The following C3orf49 variants were observed in gnomAD, a reference collection of about 807,000 sequenced individuals.
C3orf49 encodes chromosome 3 open reading frame 49.
A neutral mutation model predicts 13.3 loss-of-function variants in C3orf49; 27 were observed. The ratio of observed to expected loss-of-function variants is 2.02; its 90% CI spans 1.49 to 2.79. The LOEUF (loss-of-function observed/expected upper bound fraction) is 2.79, where lower values mean the gene tolerates loss of function less well. Ranked by LOEUF, C3orf49 falls within the 30% of genes most tolerant of loss-of-function variation. The pLI, the probability that C3orf49 is intolerant of heterozygous loss-of-function variation, is 0.00. For synonymous variants in C3orf49, 87 were observed against 47.6 expected (o/e 1.83, Z -3.40); for missense variants, 242 against 134.2 (o/e 1.80, Z -3.97).
chr3:63,820,861 A>G (rs1701384400), intron 1 of C3orf49, among the ~76,000 whole-genome samples: 2 of 152,066 alleles, frequency 1.3e-5, no homozygotes, highest in Non-Finnish European at 2.9e-5. Context: ...TAGAAGTCAT[A>G]TATGTACATT....
At chr3:63,816,753 C>CATTTT (rs1379166838), upstream of C3orf49, among the ~76,000 whole-genome samples, 2 of 143,384 alleles carry the variant, frequency 1.4e-5, no homozygotes, top group East Asian at 4.1e-4. Context: ...CTTTCTTCCA[C>CATTTT]ATTTTCTTTT....
chr3:63,827,996 T>C (rs1002828135), intron 3 of C3orf49, among the ~76,000 whole-genome samples: 2 of 152,240 alleles, frequency 1.3e-5, no homozygotes, highest in Non-Finnish European at 2.9e-5. Context: ...AATGTTAGTA[T>C]ATTAGCATTC....
At chr3:63,796,833 T>G in the C3orf49 span, among the ~76,000 whole-genome samples, 3,490 of 152,228 alleles carry the variant, frequency 0.023, 69 homozygotes, top group South Asian at 0.081. Context: ...TCCTTCTATA[T>G]CCTTCTTTAT....
chr3:63,786,792 T>G, the C3orf49 span, among the ~76,000 whole-genome samples: 1 of 152,332 alleles, frequency 6.6e-6, no homozygotes, highest in South Asian at 2.1e-4. Context: ...GCTTAGAAAT[T>G]TCAAGTGGCT....
At chr3:63,800,526 T>C in the C3orf49 span, among the ~76,000 whole-genome samples, 1 of 152,138 alleles carries the variant, frequency 6.6e-6, no homozygotes, top group African/African-American at 2.4e-5. Context: ...GTGTCAAGTA[T>C]AGACCAATGA....
chr3:63,795,438 C>G, the C3orf49 span, among the ~76,000 whole-genome samples: 8 of 152,184 alleles, frequency 5.3e-5, no homozygotes, highest in Non-Finnish European at 1.0e-4. Flanking sequence ...CTTTGCTTTG[C>G]TGGTCCTTTT....
chr3:63,837,639 T>C (rs1456930252), intron 5 of C3orf49, among the ~76,000 whole-genome samples: 1 of 151,998 alleles, frequency 6.6e-6, no homozygotes, highest in Non-Finnish European at 1.5e-5. Flanking sequence ...AGTATATTTA[T>C]GTAAATTGCC....
At chr3:63,847,548 C>T (rs1701924065) in intron 6 of C3orf49, among the ~76,000 whole-genome samples, 1 of 152,058 alleles carries the variant, frequency 6.6e-6, no homozygotes, top group South Asian at 2.1e-4. Context: ...ACCAGGCTGG[C>T]CAACAAGGCG....
chr3:63,783,891 A>C, the C3orf49 span, among the ~76,000 whole-genome samples: 1 of 152,102 alleles, frequency 6.6e-6, no homozygotes, highest in East Asian at 1.9e-4. Context: ...GAAGAAAGCA[A>C]TGAGCCTTTC....
At chr3:63,806,776 C>G in the C3orf49 span, among the ~76,000 whole-genome samples, 1 of 152,154 alleles carries the variant, frequency 6.6e-6, no homozygotes, top group Non-Finnish European at 1.5e-5. Flanking sequence ...TTCAGAAAGT[C>G]TTTCCTGGCC....
In C3orf49 at chr3:63,831,619, C is replaced by G. The variant is rs1701532272; in HGVS notation, c.685-61C>G. The G allele has an allele frequency of 1.8e-5, 12 of 679,154 alleles. No individual in the cohort carries two copies. In the South Asian group the frequency reaches 1.8e-4, roughly 10 times the overall value. 42.1% of individuals were successfully genotyped at this position (679,154 alleles called of 1,614,324 possible). A position where few individuals can be genotyped will look rare whatever the true frequency, so the allele number is the denominator to read the frequency against. On this transcript the variant is annotated intron_variant, in intron 4 of 6. Coordinates refer to ENST00000295896, the MANE Select transcript of C3orf49 (RefSeq NM_001355236.2). ...CTTCTCTCAGGAAAAGCAACTATCC[C>G]TTTGATTTTGACAAGGCTTTCCAAC...
chr3:63,817,404 G>A (rs1387727496), upstream of C3orf49, among the ~76,000 whole-genome samples: 1 of 152,094 alleles, frequency 6.6e-6, no homozygotes, highest in East Asian at 1.9e-4. Flanking sequence ...GTTGTTCACT[G>A]CAGTATCCCT....
intron 5 of C3orf49, chr3:63,837,990 C>T (rs1421286517): frequency 3.7e-6 from 6 of 1,606,930 alleles, no homozygotes; most frequent in East Asian, 2.3e-5. Context: ...GCGATTTTTT[C>T]GTATTCGTTT....
At chr3:63,825,387 G>GT (rs1701453904) in intron 2 of C3orf49, among the ~76,000 whole-genome samples, 1 of 152,104 alleles carries the variant, frequency 6.6e-6, no homozygotes, top group Admixed American at 6.6e-5. Flanking sequence ...GGAAAAAGCA[G>GT]TCATTAATAC....
the C3orf49 span, among the ~76,000 whole-genome samples, chr3:63,798,813 G>A: frequency 1.3e-5 from 2 of 152,140 alleles, no homozygotes; most frequent in South Asian, 4.1e-4. Flanking sequence ...AGAGAACATT[G>A]CATAGACCTT....
chr3:63,804,913 A>G, the C3orf49 span: 1 of 152,192 alleles, frequency 6.6e-6, no homozygotes, highest in African/African-American at 2.4e-5. Flanking sequence ...TTGACATATA[A>G]TAGGATTCCA....
At chr3:63,843,732 C>T (rs1039790631) in intron 5 of C3orf49, among the ~76,000 whole-genome samples, 1 of 152,022 alleles carries the variant, frequency 6.6e-6, no homozygotes. Flanking sequence ...AACTCTGTCT[C>T]CACTAAAAAT....
Position 63,832,862 on chromosome 3 carries a change from A to G in C3orf49, c.849+1018A>G, listed in dbSNP as rs2107110300. ...TTATGACACTTTTAATATGACTACA[A>G]CTGAGCTAATTTTAAACTTTCATTT... On this transcript the variant is annotated intron_variant, in intron 5 of 6. Coordinates refer to ENST00000295896, the MANE Select transcript of C3orf49 (RefSeq NM_001355236.2). 2.0e-5 allele frequency: 3 copies of G among 152,304 alleles called. No individual in the cohort carries two copies. In the South Asian group the frequency reaches 6.2e-4, roughly 32 times the overall value. The allele number at this position is 152,304 out of a possible 1,614,324, so 9.4% of individuals were successfully genotyped here.
At chr3:63,828,345 G>C (rs1470728362) in intron 3 of C3orf49, among the ~76,000 whole-genome samples, 3 of 152,162 alleles carry the variant, frequency 2.0e-5, no homozygotes, top group Admixed American at 2.0e-4. Context: ...TGTCGCCCAG[G>C]CTGGAGTGCA....
Sources: allele counts gnomAD v4.1 joint callset (sites outside exome capture counted in the v4.1 genomes callset), GRCh38; gene constraint gnomAD v4.1.1; transcripts MANE v1.5; gene names NCBI Gene and HGNC (gene_info 2026-07-23, HGNC 2026-07-21).